Variants in FRMPD4 observed in about 807,000 individuals in gnomAD.
FRMPD4 encodes FERM and PDZ domain-containing protein 4.
Under a neutral mutation model 94.1 loss-of-function variants are expected in FRMPD4, and 22 were observed. The ratio of observed to expected loss-of-function variants is 0.23; its 90% CI spans 0.17 to 0.33. The LOEUF (loss-of-function observed/expected upper bound fraction) is 0.33. FRMPD4 is among the 10% of genes least tolerant of loss of function. The probability of loss-of-function intolerance (pLI) is 1.00; values close to 1 mark genes in which losing one functional copy is unlikely to be tolerated. For missense variants in FRMPD4, 1,111 were observed against 1,339.9 expected, an observed-to-expected ratio of 0.83 and a Z score of 2.67; for synonymous variants, 631 against 548.6, an observed-to-expected ratio of 1.15 and a Z score of -2.10.
intron 3 of FRMPD4, among the ~76,000 whole-genome samples, chrX:11,998,399 G>GT (rs780713883): frequency 1.8e-5 from 2 of 111,554 alleles, no homozygotes; most frequent in Admixed American, 1.9e-4. Flanking sequence ...TCTTTGTTTT[G>GT]TTTTTGTGGT....
At chrX:12,475,600 G>A (rs1192748538) in intron 1 of FRMPD4, among the ~76,000 whole-genome samples, 1 of 112,022 alleles carries the variant, frequency 8.9e-6, no homozygotes, top group Non-Finnish European at 1.9e-5. Flanking sequence ...AAGCTGATAA[G>A]CAACTTCAGC....
intron 1 of FRMPD4, among the ~76,000 whole-genome samples, chrX:12,332,522 T>G (rs2147944190): frequency 9.1e-6 from 1 of 110,472 alleles, no homozygotes; most frequent in Non-Finnish European, 1.9e-5. Context: ...ATGCAAATAC[T>G]TACTGGAAAA....
At chrX:11,834,876 T>C (rs2053493303) in intron 1 of FRMPD4, among the ~76,000 whole-genome samples, 1 of 112,011 alleles carries the variant, frequency 8.9e-6, no homozygotes, top group Non-Finnish European at 1.9e-5. Flanking sequence ...ATACTTTTAG[T>C]TTTTTTGGTA....
chrX:11,850,502 A>G (rs1433490119), intron 1 of FRMPD4, among the ~76,000 whole-genome samples: 1 of 112,654 alleles, frequency 8.9e-6, no homozygotes, highest in Non-Finnish European at 1.9e-5. Context: ...TTGCAGATAT[A>G]TGTTCATAGC....
intron 1 of FRMPD4, among the ~76,000 whole-genome samples, chrX:12,269,720 C>T (rs2054326638): frequency 2.7e-5 from 3 of 111,512 alleles, no homozygotes; most frequent in South Asian, 3.8e-4. Flanking sequence ...ACACATCCCA[C>T]GGTGCCAAGG....
intron 3 of FRMPD4, among the ~76,000 whole-genome samples, chrX:12,066,877 G>GTTTTTTTT (rs748986990): frequency 1.0e-5 from 1 of 97,358 alleles, no homozygotes; most frequent in African/African-American, 3.7e-5. Context: ...TTTTGTTTTT[G>GTTTTTTTT]TTTTTTTTTT....
chrX:12,472,276 T>G (rs941758713), intron 1 of FRMPD4, among the ~76,000 whole-genome samples: 8 of 112,180 alleles, frequency 7.1e-5, no homozygotes. Flanking sequence ...ACAAGTCCAG[T>G]TTCAGCTGCA....
intron 1 of FRMPD4, among the ~76,000 whole-genome samples, chrX:12,345,131 A>AGGATGGATGGATGGATGGATGGAT (rs372484963): frequency 1.0e-5 from 1 of 97,548 alleles, no homozygotes; most frequent in African/African-American, 3.9e-5. Context: ...GACAAATGAA[A>AGGATGGATGGATGGATGGATGGAT]GGATGGATGG....
intron 4 of FRMPD4, among the ~76,000 whole-genome samples, chrX:12,666,058 CA>C (rs1333385033): frequency 1.1e-5 from 1 of 91,366 alleles, no homozygotes; most frequent in African/African-American, 4.3e-5. Context: ...CACATAGGCT[CA>C]AAATAAAGGG....
intron 2 of FRMPD4, among the ~76,000 whole-genome samples, chrX:12,585,711 C>A (rs925269955): frequency 2.7e-5 from 3 of 112,075 alleles, no homozygotes; most frequent in Non-Finnish European, 5.6e-5. Flanking sequence ...CCGTCCAATA[C>A]AGAAGTCACT....
Position 12,707,468 on chromosome X carries a change from G to T in FRMPD4, c.1288-1G>T. 2.5e-6 allele frequency: 3 copies of T among 1,186,170 alleles called. No homozygotes were observed. Among genetic ancestry groups the T allele is most frequent in the Non-Finnish European group, 3.4e-6 (3 of 882,373 alleles). On this transcript the variant is annotated splice_acceptor_variant, in intron 12 of 16. Transcript: ENST00000675598. LOFTEE classifies it high-confidence loss of function. ...TTATGTTGTCAACTTCTCTTTCTCA[G>T]CAGGCAGAAAAGCGCTCGGAAGTGA...
intron 1 of FRMPD4, among the ~76,000 whole-genome samples, chrX:12,249,620 G>A (rs2054005283): frequency 9.0e-6 from 1 of 111,310 alleles, no homozygotes; most frequent in South Asian, 3.8e-4. Flanking sequence ...CACATTTATT[G>A]ACTATTTTCC....
At chrX:12,288,601 T>C (rs2054636565) in intron 1 of FRMPD4, among the ~76,000 whole-genome samples, 1 of 111,640 alleles carries the variant, frequency 9.0e-6, no homozygotes, top group Non-Finnish European at 1.9e-5. Flanking sequence ...TTTTCCAAAT[T>C]CATCTTATCA....
At chrX:12,704,949 G>A (rs984713695) in intron 11 of FRMPD4, among the ~76,000 whole-genome samples, 19 of 112,103 alleles carry the variant, frequency 1.7e-4, no homozygotes, top group Admixed American at 5.7e-4. Flanking sequence ...ATCATTCTTT[G>A]TTAGGGAGTT....
At position 12,471,540 on chromosome X, in the gene FRMPD4, G is replaced by A. The variant is rs1027830656; in HGVS notation, c.42-27140G>A. ...AAGGAGGGTAGTGTGAGCACGGTTTGGAATTGTCAGGCAACAGGATGACTT... is the reference window on the plus strand; with the variant it reads ...AAGGAGGGTAGTGTGAGCACGGTTTAGAATTGTCAGGCAACAGGATGACTT... On this transcript the variant is annotated intron_variant, in intron 1 of 16. Coordinates refer to ENST00000675598, the MANE Select transcript of FRMPD4 (RefSeq NM_001368397.1). Among the ~76,000 whole-genome samples, 3 of 111,506 alleles carry A rather than the reference G, an allele frequency of 2.7e-5. No homozygotes were observed. The Admixed American group carries it at 2.9e-4, about 11-fold the overall frequency.
intron 1 of FRMPD4, among the ~76,000 whole-genome samples, chrX:12,449,167 C>A (rs2057235543): frequency 8.9e-6 from 1 of 112,096 alleles, no homozygotes; most frequent in Non-Finnish European, 1.9e-5. Context: ...CTGAGAAATT[C>A]TTTAGAGAGA....
chrX:12,069,828 C>A (rs2054951429), intron 3 of FRMPD4, among the ~76,000 whole-genome samples: 1 of 110,311 alleles, frequency 9.1e-6, no homozygotes, highest in African/African-American at 3.3e-5. Flanking sequence ...ATCAAATATG[C>A]AAATGAGATG....
intron 4 of FRMPD4, among the ~76,000 whole-genome samples, chrX:12,633,288 C>A (rs769997306): frequency 1.1e-3 from 122 of 112,155 alleles, no homozygotes; most frequent in Non-Finnish European, 2.2e-3. Flanking sequence ...AAACTAGTCT[C>A]ATCTCTTTTC....
intron 2 of FRMPD4, among the ~76,000 whole-genome samples, chrX:12,523,113 A>C (rs969714849): frequency 8.9e-6 from 1 of 111,976 alleles, no homozygotes; most frequent in African/African-American, 3.2e-5. Flanking sequence ...AGGACTGCCA[A>C]ATGTTAAACT....
Sources: gnomAD v4.1 joint callset for allele counts (sites outside exome capture counted in the v4.1 genomes callset) on GRCh38, gnomAD v4.1.1 for gene constraint, MANE v1.5 for transcripts, NCBI Gene and HGNC (gene_info 2026-07-23, HGNC 2026-07-21) for gene names.